ABCA1: variants seen among roughly 807,000 people sequenced by gnomAD.
ABCA1 encodes the protein ATP binding cassette subfamily A member 1.
In ABCA1, 133 loss-of-function variants were observed where a neutral mutation model predicts 262.5. The ratio of observed to expected loss-of-function variants is 0.51; its 90% CI spans 0.44 to 0.59. The LOEUF is 0.59. ABCA1 is among the 20% of genes least tolerant of loss of function. ABCA1 has a pLI of 0.00. For missense variants in ABCA1, 2,452 were observed against 2,777.5 expected (o/e 0.88, Z 2.63); for synonymous variants, 1,022 against 1,043.5 (o/e 0.98, Z 0.40).
chr9:104,869,549 T>G (rs1034529866), intron 5 of ABCA1, among the ~76,000 whole-genome samples: 3 of 152,188 alleles, frequency 2.0e-5, no homozygotes, highest in Non-Finnish European at 4.4e-5. Flanking sequence ...TCTTGAAGAA[T>G]AGACGATGCC....
chr9:104,926,871 C>A (rs922435858), intron 1 of ABCA1, among the ~76,000 whole-genome samples: 13 of 152,208 alleles, frequency 8.5e-5, no homozygotes, highest in Admixed American at 8.5e-4. Context: ...GGATTGGGCA[C>A]CCCACCTCCG....
intron 14 of ABCA1, 54 bp downstream of exon 14, chr9:104,830,871 C>T: frequency 6.3e-7 from 1 of 1,590,844 alleles, no homozygotes; most frequent in Non-Finnish European, 8.6e-7. Flanking sequence ...ATATATACAC[C>T]CCCATCTGGC....
intron 8 of ABCA1, among the ~76,000 whole-genome samples, chr9:104,844,757 C>T (rs1238017053): frequency 6.6e-6 from 1 of 152,328 alleles, no homozygotes; most frequent in East Asian, 1.9e-4. Context: ...GTGAGCACTG[C>T]CCCCTGGCTC....
chr9:104,855,057 G>T, intron 7 of ABCA1: 1 of 690,640 alleles, frequency 1.4e-6, no homozygotes, highest in Non-Finnish European at 1.8e-6. Flanking sequence ...CACAAGGTAC[G>T]GACTGAGACA....
chr9:104,824,422 C>T (rs772213651), intron 18 of ABCA1, 43 bp downstream of exon 18: 2 of 1,612,804 alleles, frequency 1.2e-6, no homozygotes, highest in Non-Finnish European at 1.7e-6. Flanking sequence ...GCAGAGGCAG[C>T]AGCACTAGGT....
At chr9:104,848,113 T>C (rs929347265) in intron 7 of ABCA1, among the ~76,000 whole-genome samples, 1 of 152,218 alleles carries the variant, frequency 6.6e-6, no homozygotes, top group African/African-American at 2.4e-5. Flanking sequence ...GCAGGTGATG[T>C]TTTTACAGCA....
rs140373099 is a variant in ABCA1 at position 104,791,190 on chromosome 9, T to C, written c.5821-162A>G. On this transcript the variant is annotated intron_variant, in intron 43 of 49. Transcript: ENST00000374736. Reference sequence around the variant, plus strand: ...TATAGATATTTAAATATGTATTTCATAATGGGACCATTTTAAGTGTGGCTG... The same window carrying C: ...TATAGATATTTAAATATGTATTTCACAATGGGACCATTTTAAGTGTGGCTG... 2.9e-3 allele frequency among the ~76,000 whole-genome samples: 444 copies of C among 152,356 alleles called. 3 individuals carry two copies. Among genetic ancestry groups the C allele is most frequent in the African/African-American group, 0.01 (429 of 41,584 alleles).
chr9:104,816,056 A>G, intron 25 of ABCA1, 87 bp downstream of exon 25: 1 of 1,436,294 alleles, frequency 7.0e-7, no homozygotes, highest in East Asian at 2.3e-5. Context: ...TAACTCCATG[A>G]TAATCCTGCT....
chr9:104,888,717 T>C (rs545662708), intron 3 of ABCA1, among the ~76,000 whole-genome samples: 1 of 152,346 alleles, frequency 6.6e-6, no homozygotes, highest in East Asian at 1.9e-4. Context: ...AAATGCTGCT[T>C]AAAATTCTGT....
At chr9:104,903,799 G>C in intron 1 of ABCA1, 28 bp from the exon 2 acceptor site, 1 of 939,540 alleles carries the variant, frequency 1.1e-6, no homozygotes, top group Non-Finnish European at 1.7e-6. Context: ...AGGGGAAACA[G>C]CCATCAGTTA....
rs552730637 is a variant in ABCA1 at position 104,784,182 on chromosome 9, A to G, written c.*133T>C. ...ATTGCATTGAATTGCATTGCATTGA[A>G]TAGTATCAGTACAGTATCCAGTTTA... On this transcript the variant is annotated 3_prime_UTR_variant, in exon 50 of 50. Coordinates refer to ENST00000374736, the MANE Select transcript of ABCA1 (RefSeq NM_005502.4). The G allele has an allele frequency of 8.7e-7, 1 of 1,147,774 alleles. No homozygotes were observed. Among genetic ancestry groups the G allele is most frequent in the African/African-American group, 1.5e-5 (1 of 65,048 alleles). 71.1% of individuals were successfully genotyped at this position (1,147,774 alleles called of 1,614,324 possible).
At chr9:104,837,365 A>G in intron 10 of ABCA1, 63 bp downstream of exon 10, 4 of 1,607,238 alleles carry the variant, frequency 2.5e-6, no homozygotes, top group Non-Finnish European at 3.4e-6. Context: ...AGCTACCTTG[A>G]GTTTTTTGCC....
intron 7 of ABCA1, among the ~76,000 whole-genome samples, chr9:104,852,743 G>A (rs996848910): frequency 6.6e-6 from 1 of 152,172 alleles, no homozygotes; most frequent in Non-Finnish European, 1.5e-5. Context: ...TGCTTGCTGG[G>A]AGAAAGCAAG....
In ABCA1 at chr9:104,845,453, T is replaced by C. The variant is rs199739311; in HGVS notation, c.813+24A>G. The C allele has an allele frequency of 2.3e-5, 36 of 1,563,248 alleles. No individual in the cohort carries two copies. The Admixed American group carries it at 4.8e-4, about 21-fold the overall frequency. On this transcript the variant is annotated intron_variant, in intron 8 of 49. Coordinates refer to ENST00000374736, the MANE Select transcript of ABCA1 (RefSeq NM_005502.4). ...CTGATACAGTGGATGATCCGCTTCC[T>C]GGTACTGGAAAGACACAACTTACCT...
rs1358979870 is a variant in ABCA1 at position 104,819,916 on chromosome 9, C to T, written c.3103+11G>A. 1 of 1,612,002 alleles carries T rather than the reference C, an allele frequency of 6.2e-7. No individual in the cohort carries two copies. Among genetic ancestry groups the T allele is most frequent in the Non-Finnish European group, 8.5e-7 (1 of 1,179,924 alleles). On this transcript the variant is annotated intron_variant, in intron 21 of 49. Coordinates refer to ENST00000374736, the MANE Select transcript of ABCA1 (RefSeq NM_005502.4). ...GGGGAGAGGGATAGGGAAGGTAGCT[C>T]TGGGCCGCACCTGACAGCTGGCTTG...
intron 1 of ABCA1, among the ~76,000 whole-genome samples, chr9:104,917,618 G>A (rs1201581516): frequency 6.6e-6 from 1 of 152,126 alleles, no homozygotes; most frequent in Non-Finnish European, 1.5e-5. Context: ...GCCGGGTGTG[G>A]TGGCATGCAC....
chr9:104,912,064 C>T (rs1841528452), intron 1 of ABCA1, among the ~76,000 whole-genome samples: 2 of 152,144 alleles, frequency 1.3e-5, no homozygotes, highest in Non-Finnish European at 2.9e-5. Context: ...ACTGTACTTC[C>T]TTCTTTCACT....
Position 104,821,197 on chromosome 9 carries a change from C to T in ABCA1, c.2960+178G>A, listed in dbSNP as rs547082927. ...GGCCAAGGTTGCAGTGAGCCGAGAT[C>T]GCGCCACTACAGTCCAGCCTGGCTA... On this transcript the variant is annotated intron_variant, in intron 20 of 49. Transcript: ENST00000374736. Among the ~76,000 whole-genome samples the T allele has an allele frequency of 5.3e-5, 8 of 152,144 alleles. 1 individual carries two copies. The South Asian group carries it at 1.5e-3, about 28-fold the overall frequency.
chr9:104,914,572 T>C (rs1248064509), intron 1 of ABCA1, among the ~76,000 whole-genome samples: 1 of 151,718 alleles, frequency 6.6e-6, no homozygotes, highest in Non-Finnish European at 1.5e-5. Context: ...TACAATCTTC[T>C]CTAGTGTACT....
Sources: allele counts gnomAD v4.1 joint callset (sites outside exome capture counted in the v4.1 genomes callset), GRCh38; gene constraint gnomAD v4.1.1; transcripts MANE v1.5; gene names NCBI Gene and HGNC (gene_info 2026-07-23, HGNC 2026-07-21).